ADK: variants seen among roughly 807,000 people sequenced by gnomAD.
ADK encodes the protein N6,N6-dimethyladenosine kinase.
ADK carries 24 observed loss-of-function variants against 44.7 expected under a neutral mutation model. That is an observed-to-expected ratio of 0.54 (90% CI 0.39 to 0.76). The LOEUF is 0.76. ADK is among the 30% of genes least tolerant of loss of function. ADK has a pLI of 0.00. For missense variants in ADK, 321 were observed against 425.1 expected, an observed-to-expected ratio of 0.76 and a Z score of 2.15; for synonymous variants, 128 against 142.6, an observed-to-expected ratio of 0.90 and a Z score of 0.73.
chr10:74,298,945 A>G (rs529576006), intron 3 of ADK, among the ~76,000 whole-genome samples: 14 of 152,186 alleles, frequency 9.2e-5, no homozygotes, highest in East Asian at 7.7e-4. Flanking sequence ...AATTGAGGAC[A>G]TTGGGTGTAA....
chr10:74,682,719 G>A (rs931055185), intron 10 of ADK, among the ~76,000 whole-genome samples: 9 of 151,810 alleles, frequency 5.9e-5, no homozygotes, highest in African/African-American at 2.2e-4. Context: ...GACTACAGGT[G>A]TGCACCACCA....
At chr10:74,453,553 T>C (rs1845846101) in intron 6 of ADK, among the ~76,000 whole-genome samples, 1 of 152,256 alleles carries the variant, frequency 6.6e-6, no homozygotes, top group South Asian at 2.1e-4. Context: ...AAAGCTTTTA[T>C]ATGGCATTTC....
chr10:74,204,112 A>G (rs1403483098), intron 2 of ADK, among the ~76,000 whole-genome samples: 1 of 151,932 alleles, frequency 6.6e-6, no homozygotes, highest in East Asian at 1.9e-4. Flanking sequence ...GTGTGCCATC[A>G]TGCCTGGCTA....
chr10:74,524,001 A>G (rs1272699377), intron 6 of ADK, among the ~76,000 whole-genome samples: 1 of 152,120 alleles, frequency 6.6e-6, no homozygotes, highest in African/African-American at 2.4e-5. Context: ...CACCAAATAG[A>G]TTCCTACCCT....
chr10:74,623,734 TAC>T (rs1219877797), intron 9 of ADK, among the ~76,000 whole-genome samples: 2 of 151,184 alleles, frequency 1.3e-5, no homozygotes, highest in African/African-American at 4.9e-5. Context: ...TATATATATA[TAC>T]ACACACATTA....
chr10:74,670,549 C>T (rs1290710337), intron 10 of ADK, among the ~76,000 whole-genome samples: 4 of 152,144 alleles, frequency 2.6e-5, no homozygotes, highest in Non-Finnish European at 4.4e-5. Context: ...CAAACTGCAT[C>T]AAGTACAGTA....
intron 4 of ADK, among the ~76,000 whole-genome samples, chr10:74,374,233 A>G (rs1842755790): frequency 6.6e-6 from 1 of 152,156 alleles, no homozygotes; most frequent in Non-Finnish European, 1.5e-5. Context: ...AACTCCAAAT[A>G]TACTAAACAC....
chr10:74,641,648 A>T (rs1412189645), intron 9 of ADK: 1 of 152,250 alleles, frequency 6.6e-6, no homozygotes, highest in African/African-American at 2.4e-5. Flanking sequence ...CCATTACTAC[A>T]TAAAAGGATC....
chr10:74,363,417 C>T (rs138181946), intron 4 of ADK, among the ~76,000 whole-genome samples: 2 of 152,260 alleles, frequency 1.3e-5, no homozygotes, highest in African/African-American at 4.8e-5. Flanking sequence ...TGAAACTGCA[C>T]CACCCTGGGA....
chr10:74,265,163 A>G lies in ADK; in HGVS notation c.194+40572A>G, dbSNP rs552119734. Among the ~76,000 whole-genome samples, 4 of 152,198 alleles carry G rather than the reference A, an allele frequency of 2.6e-5. No homozygotes were observed. In the East Asian group the frequency reaches 7.7e-4, roughly 29 times the overall value. ...TTTAGGTCCAAGCCCTCTTCCCAAAATTGATTTAGCTGATGATAAGCTATA... is the reference window on the plus strand; with the variant it reads ...TTTAGGTCCAAGCCCTCTTCCCAAAGTTGATTTAGCTGATGATAAGCTATA... On this transcript the variant is annotated intron_variant, in intron 3 of 10. Coordinates refer to ENST00000539909, the MANE Select transcript of ADK (RefSeq NM_006721.4).
intron 7 of ADK, among the ~76,000 whole-genome samples, chr10:74,563,956 C>T (rs932680579): frequency 6.6e-6 from 1 of 151,712 alleles, no homozygotes; most frequent in Non-Finnish European, 1.5e-5. Context: ...GGTTAGTTAC[C>T]TATGTATACA....
intron 6 of ADK, among the ~76,000 whole-genome samples, chr10:74,432,286 G>A (rs1002927392): frequency 1.3e-5 from 2 of 152,108 alleles, no homozygotes; most frequent in Non-Finnish European, 2.9e-5. Flanking sequence ...TTGTAGATTT[G>A]TTAATATATT....
intron 1 of ADK, among the ~76,000 whole-genome samples, chr10:74,181,397 C>G (rs775112941): frequency 1.5e-4 from 23 of 152,056 alleles, no homozygotes; most frequent in Non-Finnish European, 7.4e-5. Context: ...AAATTTACAG[C>G]CTCTGAAACC....
rs370396241 is a variant in ADK at position 74,421,874 on chromosome 10, T to C, written c.555+23295T>C. Among the ~76,000 whole-genome samples, 35 of 152,244 alleles carry C rather than the reference T, an allele frequency of 2.3e-4. 1 individual carries two copies. Among genetic ancestry groups the C allele is most frequent in the Middle Eastern group, 6.8e-3 (2 of 292 alleles). ...ATGTAGCATTGGATTAAGGATAAAT[T>C]ATTGAGTAAATATACATGAGTTCAC... is the stretch of plus-strand genomic sequence containing the variant. On this transcript the variant is annotated intron_variant, in intron 6 of 10. Coordinates refer to ENST00000539909, the MANE Select transcript of ADK (RefSeq NM_006721.4).
At chr10:74,277,450 G>A (rs2132431879) in intron 3 of ADK, among the ~76,000 whole-genome samples, 1 of 151,862 alleles carries the variant, frequency 6.6e-6, no homozygotes, top group East Asian at 1.9e-4. Flanking sequence ...AGGCTGGAGT[G>A]CAGTGGTGTG....
At chr10:74,222,736 T>C (rs1844365124) in intron 2 of ADK, among the ~76,000 whole-genome samples, 1 of 151,902 alleles carries the variant, frequency 6.6e-6, no homozygotes, top group South Asian at 2.1e-4. Context: ...TTGGAAATCA[T>C]CATTCTCAGT....
intron 9 of ADK, among the ~76,000 whole-genome samples, chr10:74,643,739 A>G (rs1229298378): frequency 6.6e-6 from 1 of 152,152 alleles, no homozygotes; most frequent in Non-Finnish European, 1.5e-5. Flanking sequence ...AGGATGATTC[A>G]TGTTTGCTTT....
At chr10:74,559,328 T>G (rs1490194393) in intron 7 of ADK, among the ~76,000 whole-genome samples, 1 of 152,270 alleles carries the variant, frequency 6.6e-6, no homozygotes, top group African/African-American at 2.4e-5. Context: ...AATCATACTT[T>G]AATTCTGTTT....
chr10:74,419,230 A>C (rs981615030), intron 6 of ADK, among the ~76,000 whole-genome samples: 1 of 152,154 alleles, frequency 6.6e-6, no homozygotes, highest in Non-Finnish European at 1.5e-5. Flanking sequence ...TGCAAGACTC[A>C]ATATGCAAAG....
Sources: gnomAD v4.1 joint callset for allele counts (sites outside exome capture counted in the v4.1 genomes callset) on GRCh38, gnomAD v4.1.1 for gene constraint, MANE v1.5 for transcripts, NCBI Gene and HGNC (gene_info 2026-07-23, HGNC 2026-07-21) for gene names.